The following DST variants were observed in gnomAD, a reference collection of about 807,000 sequenced individuals.
DST encodes the protein bullous pemphigoid antigen.
A neutral mutation model predicts 875.2 loss-of-function variants in DST; 253 were observed. That is an observed-to-expected ratio of 0.29 (90% confidence interval 0.26 to 0.32). The LOEUF (loss-of-function observed/expected upper bound fraction) is 0.32, where lower values mean the gene tolerates loss of function less well. Ranked by LOEUF, DST falls within the 10% of genes least tolerant of loss-of-function variation. The pLI, the probability that DST is intolerant of heterozygous loss-of-function variation, is 1.00. For missense variants in DST, 8,287 were observed against 9,111.6 expected, an observed-to-expected ratio of 0.91 and a Z score of 3.68; for synonymous variants, 3,124 against 3,197.1, an observed-to-expected ratio of 0.98 and a Z score of 0.77.
Position 56,506,682 on chromosome 6 carries a change from C to G in DST, c.19347G>C (p.Lys6449Asn). 6.2e-7 allele frequency: 1 copy of G among 1,613,600 alleles called. No individual in the cohort carries two copies. The highest frequency in any genetic ancestry group is 8.5e-7 in the Non-Finnish European group (1 of 1,179,660). Residue 6449 changes from lysine (K) to asparagine (N), a missense_variant, in exon 76 of 104, where the codon AAG (lysine) becomes AAC (asparagine). Lys to Asn is a moderately conservative substitution (Grantham distance 94). Around this residue, in one of 10 missense-constraint regions of DST, gnomAD observed 1,292 missense variants for 1,552.7 expected, o/e 0.83. Coordinates refer to ENST00000680361, the MANE Select transcript of DST (RefSeq NM_001374736.1). ...CCAGTTGTACCTCATCTATACTCTT[C>G]TTGACAATGGGTTTATCAGGCTCCC... ...ACGEPDKPIV[K>N]KSIDELNSAW...
chr6:56,878,876 G>A (rs1780718667), intron 3 of DST, among the ~76,000 whole-genome samples: 1 of 152,196 alleles, frequency 6.6e-6, no homozygotes, highest in African/African-American at 2.4e-5. Flanking sequence ...AATAATTCAT[G>A]AGGCTAGACT....
At chr6:56,916,793 C>CAT (rs1801318007) in intron 2 of DST, among the ~76,000 whole-genome samples, 1 of 145,730 alleles carries the variant, frequency 6.9e-6, no homozygotes, top group African/African-American at 2.6e-5. Context: ...CACACACACA[C>CAT]ACACACACAC....
Position 56,767,613 on chromosome 6 carries a change from TCAAATAAATAAA to T in DST, c.626-32336_626-32325del, listed in dbSNP as rs1379419046. 1.9e-3 allele frequency among the ~76,000 whole-genome samples: 217 copies of T among 116,590 alleles called. 1 individual carries two copies. Among genetic ancestry groups the T allele is most frequent in the African/African-American group, 6.2e-3 (206 of 33,436 alleles). 76.5% of individuals were successfully genotyped at this position (116,590 alleles called of 152,430 possible). A position where few individuals can be genotyped will look rare whatever the true frequency, so the allele number is the denominator to read the frequency against. ...CTGGGTGACAGAGCAAGACCCTGTC[TCAAATAAATAAA>T]TAAATAAATAAATAAATAAATAAAT... On this transcript the variant is annotated intron_variant, in intron 4 of 103. Coordinates refer to ENST00000680361, the MANE Select transcript of DST (RefSeq NM_001374736.1).
chr6:56,662,057 G>T (rs918433992), intron 10 of DST, among the ~76,000 whole-genome samples: 7 of 151,910 alleles, frequency 4.6e-5, no homozygotes, highest in Non-Finnish European at 1.0e-4. Context: ...AAGCTGAAAA[G>T]AAATAATTTT....
At chr6:56,854,797 A>G (rs962815422) in intron 3 of DST, among the ~76,000 whole-genome samples, 2 of 152,238 alleles carry the variant, frequency 1.3e-5, no homozygotes, top group Admixed American at 6.5e-5. Flanking sequence ...TTCTGGGCTC[A>G]TAGGCACCCC....
At chr6:56,616,175 G>A in intron 36 of DST, 2 of 1,614,198 alleles carry the variant, frequency 1.2e-6, no homozygotes, top group Non-Finnish European at 1.7e-6. Flanking sequence ...CAAAGAATCA[G>A]CAAGTTCTGT....
chr6:56,692,771 GAGA>G (rs1563712890), intron 9 of DST: 1 of 1,289,656 alleles, frequency 7.8e-7, no homozygotes, highest in Non-Finnish European at 1.0e-6. Context: ...TCTTTAGCAG[GAGA>G]AGTGTTCACA....
intron 3 of DST, among the ~76,000 whole-genome samples, chr6:56,889,557 T>C (rs1019894488): frequency 1.6e-4 from 24 of 152,214 alleles, no homozygotes; most frequent in African/African-American, 5.8e-4. Flanking sequence ...CAATTTTTAA[T>C]TATACTTTTT....
intron 4 of DST, among the ~76,000 whole-genome samples, chr6:56,791,940 T>C (rs372766895): frequency 4.6e-5 from 7 of 152,216 alleles, no homozygotes; most frequent in African/African-American, 1.7e-4. Flanking sequence ...TGAAACAAAC[T>C]GAATTCTTAG....
At position 56,616,385 on chromosome 6, in the gene DST, A is replaced by G; in HGVS notation, c.4930-1901T>C. On this transcript the variant is annotated intron_variant, in intron 36 of 103. Coordinates refer to ENST00000680361, the MANE Select transcript of DST (RefSeq NM_001374736.1). The stretch of plus-strand genomic sequence containing the variant: ...AAGTTCAAGATATATACTTTTCTCA[A>G]TCAGGTTTCTCTGGAAAGCCTCATA... 1.2e-6 allele frequency: 2 copies of G among 1,613,778 alleles called. No homozygotes were observed. Among genetic ancestry groups the G allele is most frequent in the Admixed American group, 1.7e-5 (1 of 60,004 alleles).
At chr6:56,503,471 T>C (rs935245807) in intron 78 of DST, among the ~76,000 whole-genome samples, 4 of 151,978 alleles carry the variant, frequency 2.6e-5, no homozygotes, top group African/African-American at 9.7e-5. Context: ...AGAAAAATGA[T>C]GCTGTAGTGT....
chr6:56,473,917 G>A lies in DST; in HGVS notation c.21950C>T (p.Ser7317Leu), dbSNP rs1415087061. 3 of 1,596,282 alleles carry A rather than the reference G, an allele frequency of 1.9e-6. No individual in the cohort carries two copies. The highest frequency in any genetic ancestry group is 8.5e-7 in the Non-Finnish European group (1 of 1,169,748). The change falls in exon 93 of 104, where the codon TCA (serine) becomes TTA (leucine). Residue 7317 changes from serine to leucine, a missense_variant. Around this residue, in one of 10 missense-constraint regions of DST, gnomAD observed 1,292 missense variants for 1,552.7 expected, o/e 0.83. Transcript: ENST00000680361. ...CAAGACTGGAATATGGGATTGTAAT[G>A]AGGAAGGATCAGCAGCTCTCCTCTT... ...TYKRRAADPS[S>L]LQSHIPVLDK... is the part of the protein sequence containing the mutation.
chr6:56,478,011 A>G (rs1057406134), intron 90 of DST, among the ~76,000 whole-genome samples: 2 of 152,112 alleles, frequency 1.3e-5, no homozygotes, highest in Non-Finnish European at 2.9e-5. Flanking sequence ...CTGGATACAG[A>G]GGGCCAACTT....
rs781067371 is a variant in DST, at chr6:56,604,425, C to T, written c.10203G>A (p.Glu3401=). 6.2e-7 allele frequency: 1 copy of T among 1,609,648 alleles called. No individual in the cohort carries two copies. The highest frequency in any genetic ancestry group is 8.5e-7 in the Non-Finnish European group (1 of 1,177,488). ...KRITTSQLVN[E]ASTVPSDSQM... ...GAGAGTCGCTGGGCACAGTAGATGC[C>T]TCATTTACCAACTGTGATGTGGTAA... The change falls in exon 40 of 104, where the codon GAG becomes GAA. Residue 3401 remains glutamate (E), a synonymous_variant. Transcript: ENST00000680361.
At chr6:56,639,835 T>G (rs1039328420) in intron 19 of DST, 62 bp from the exon 20 acceptor site, 1 of 1,582,844 alleles carries the variant, frequency 6.3e-7, no homozygotes, top group African/African-American at 1.3e-5. Context: ...GACTCACACT[T>G]AATGTATCTA....
chr6:56,520,973 A>G (rs2096686692), intron 69 of DST, among the ~76,000 whole-genome samples: 2 of 152,236 alleles, frequency 1.3e-5, no homozygotes, highest in East Asian at 1.9e-4. Flanking sequence ...TGTAATTATA[A>G]GGAAACCAAG....
At chr6:56,701,408 T>C (rs973858182) in intron 8 of DST, among the ~76,000 whole-genome samples, 1 of 152,130 alleles carries the variant, frequency 6.6e-6, no homozygotes, top group African/African-American at 2.4e-5. Context: ...CAATATTATC[T>C]ACTTATAAAA....
At chr6:56,951,657 C>G (rs1161625622) in intron 2 of DST, among the ~76,000 whole-genome samples, 1 of 152,130 alleles carries the variant, frequency 6.6e-6, no homozygotes, top group African/African-American at 2.4e-5. Flanking sequence ...CCATAATTTT[C>G]ACTTATAAAT....
chr6:56,725,037 T>C (rs540958837), intron 5 of DST, among the ~76,000 whole-genome samples: 2 of 152,320 alleles, frequency 1.3e-5, no homozygotes, highest in South Asian at 4.1e-4. Flanking sequence ...TCATGGAATA[T>C]AACCCAAATA....
Sources: allele counts gnomAD v4.1 joint callset (sites outside exome capture counted in the v4.1 genomes callset), GRCh38; gene constraint gnomAD v4.1.1; regional missense constraint gnomAD v4.1.1; transcripts MANE v1.5; gene names NCBI Gene and HGNC (gene_info 2026-07-23, HGNC 2026-07-21).